Variants in CSMD1 observed in about 807,000 individuals in gnomAD.
CSMD1 encodes the protein CUB and Sushi multiple domains 1, also known as CUB and sushi domain-containing protein 1.
Under a neutral mutation model 417.5 loss-of-function variants are expected in CSMD1, and 213 were observed. The observed-to-expected ratio is 0.51, with a 90% CI of 0.46 to 0.57. The LOEUF (loss-of-function observed/expected upper bound fraction) is 0.57, where lower values mean the gene tolerates loss of function less well. Ranked by LOEUF, CSMD1 falls within the 20% of genes least tolerant of loss-of-function variation. The pLI, the probability that CSMD1 is intolerant of heterozygous loss-of-function variation, is 0.00. For missense variants in CSMD1, 6,923 were observed against 4,529.7 expected (o/e 1.53, Z -15.17); for synonymous variants, 2,862 against 1,736.8 (o/e 1.65, Z -16.11).
At chr8:2,965,733 T>G (rs1461871018) in intron 59 of CSMD1, 42 bp downstream of exon 59, 3 of 1,536,050 alleles carry the variant, frequency 2.0e-6, no homozygotes, top group Admixed American at 1.9e-5. Flanking sequence ...CAATAAAGAC[T>G]TCTATACACA....
intron 1 of CSMD1, among the ~76,000 whole-genome samples, chr8:4,698,165 ATAT>A (rs1807263542): frequency 6.7e-6 from 1 of 148,924 alleles, no homozygotes; most frequent in South Asian, 2.1e-4. Context: ...ATTGAACATA[ATAT>A]TATATGCCAC....
chr8:4,879,795 C>A lies in CSMD1; in HGVS notation c.85+114537G>T, dbSNP rs141793146. On this transcript the variant is annotated intron_variant, in intron 1 of 69. Coordinates refer to ENST00000635120, the MANE Select transcript of CSMD1 (RefSeq NM_033225.6). ...ACAGGGGACAGATGAATGCATTTAA[C>A]CATGTATGCATCTCTCAAAACATCA... Among the ~76,000 whole-genome samples, 245 of 152,118 alleles carry A rather than the reference C, an allele frequency of 1.6e-3. 2 individuals carry two copies. Among genetic ancestry groups the A allele is most frequent in the Middle Eastern group, 6.8e-3 (2 of 294 alleles).
intron 7 of CSMD1, 138 bp downstream of exon 7, chr8:3,708,276 G>C (rs911031525): frequency 4.4e-6 from 3 of 682,226 alleles, no homozygotes; most frequent in Non-Finnish European, 7.6e-6. Flanking sequence ...CTTTCTCCCA[G>C]AAAATACTTT....
chr8:3,324,472 A>T (rs796082295), intron 23 of CSMD1, among the ~76,000 whole-genome samples: 39 of 85,736 alleles, frequency 4.5e-4, no homozygotes, highest in Middle Eastern at 0.011. Flanking sequence ...TCCCCCCACC[A>T]TTCTTCACTG....
At chr8:3,862,719 G>A (rs1336067076) in intron 5 of CSMD1, among the ~76,000 whole-genome samples, 1 of 152,176 alleles carries the variant, frequency 6.6e-6, no homozygotes, top group African/African-American at 2.4e-5. Context: ...CAAAACAACT[G>A]AGTAAGGGAG....
chr8:4,952,037 T>C (rs1238160771), intron 1 of CSMD1, among the ~76,000 whole-genome samples: 1 of 151,308 alleles, frequency 6.6e-6, no homozygotes, highest in African/African-American at 2.4e-5. Flanking sequence ...TACATATATA[T>C]ACACAAAATA....
At position 3,892,153 on chromosome 8, in the gene CSMD1, C is replaced by G. The variant is rs560478648; in HGVS notation, c.818+105750G>C. Reference sequence around the variant, plus strand: ...ATAATATCAGTAAAGTGAAAGGTAACAGCCCCAAATATATGAGGCATTTAG... The same window carrying G: ...ATAATATCAGTAAAGTGAAAGGTAAGAGCCCCAAATATATGAGGCATTTAG... On this transcript the variant is annotated intron_variant, in intron 5 of 69. Coordinates refer to ENST00000635120, the MANE Select transcript of CSMD1 (RefSeq NM_033225.6). Among the ~76,000 whole-genome samples the G allele has an allele frequency of 4.1e-4, 63 of 152,198 alleles. 1 individual carries two copies. Among genetic ancestry groups the G allele is most frequent in the Admixed American group, 2.2e-3 (33 of 15,290 alleles).
At chr8:4,203,907 C>T (rs930292682) in intron 3 of CSMD1, among the ~76,000 whole-genome samples, 1 of 152,016 alleles carries the variant, frequency 6.6e-6, no homozygotes, top group Non-Finnish European at 1.5e-5. Context: ...TTGAGGCCAG[C>T]CTGGGAAATA....
In CSMD1 at chr8:4,023,747, C is replaced by G. The variant is rs188614822; in HGVS notation, c.610+8158G>C. Among the ~76,000 whole-genome samples the G allele has an allele frequency of 7.1e-3, 989 of 139,114 alleles. 9 individuals carry two copies. The highest frequency in any genetic ancestry group is 0.012 in the Non-Finnish European group (774 of 65,648). The allele number at this position is 139,114 out of a possible 152,430, so 91.3% of individuals were successfully genotyped here. ...GACTACAAGCGCCCACCGCTACGCT[C>G]GGCTAATTTTTTTTTTTTTTTTTTT... is the stretch of plus-strand genomic sequence containing the variant. On this transcript the variant is annotated intron_variant, in intron 4 of 69. Transcript: ENST00000635120.
At chr8:4,931,134 T>C (rs1204212727) in intron 1 of CSMD1, among the ~76,000 whole-genome samples, 2 of 152,244 alleles carry the variant, frequency 1.3e-5, no homozygotes, top group Non-Finnish European at 2.9e-5. Context: ...TGATTGGTTT[T>C]ATTACGTTTT....
chr8:4,399,983 A>T (rs535622356), intron 3 of CSMD1, among the ~76,000 whole-genome samples: 4 of 152,276 alleles, frequency 2.6e-5, no homozygotes, highest in South Asian at 2.1e-4. Context: ...CAGGTTGATA[A>T]GCCTTTCTTT....
At chr8:4,537,768 C>G (rs1437953031) in intron 2 of CSMD1, among the ~76,000 whole-genome samples, 1 of 152,190 alleles carries the variant, frequency 6.6e-6, no homozygotes, top group Non-Finnish European at 1.5e-5. Flanking sequence ...GGCCTCGAAT[C>G]ACCAGGCATG....
intron 3 of CSMD1, among the ~76,000 whole-genome samples, chr8:4,106,675 T>A (rs1426088770): frequency 6.6e-6 from 1 of 152,160 alleles, no homozygotes; most frequent in Non-Finnish European, 1.5e-5. Context: ...AGTAAAACAT[T>A]TTCTTTATTT....
intron 1 of CSMD1, among the ~76,000 whole-genome samples, chr8:4,776,107 G>C (rs1317190099): frequency 1.3e-5 from 2 of 152,116 alleles, no homozygotes; most frequent in Non-Finnish European, 2.9e-5. Context: ...CACCGGCCCA[G>C]ATTGCCAGGA....
At chr8:4,253,297 T>G (rs906404459) in intron 3 of CSMD1, among the ~76,000 whole-genome samples, 10 of 152,192 alleles carry the variant, frequency 6.6e-5, no homozygotes, top group Non-Finnish European at 1.5e-5. Context: ...CATTCTCTCT[T>G]CAATATTCAT....
intron 3 of CSMD1, among the ~76,000 whole-genome samples, chr8:4,094,525 G>C (rs960613893): frequency 6.6e-6 from 1 of 152,172 alleles, no homozygotes; most frequent in Non-Finnish European, 1.5e-5. Flanking sequence ...CTAACTTTCA[G>C]ATTAAATAGC....
At chr8:4,272,826 T>A (rs1020647522) in intron 3 of CSMD1, among the ~76,000 whole-genome samples, 24 of 152,210 alleles carry the variant, frequency 1.6e-4, no homozygotes, top group African/African-American at 5.1e-4. Context: ...CCTTTGCTTG[T>A]ATCAGTCTTG....
intron 1 of CSMD1, among the ~76,000 whole-genome samples, chr8:4,886,028 T>C (rs773185983): frequency 2.6e-4 from 39 of 152,130 alleles, no homozygotes; most frequent in Non-Finnish European, 5.4e-4. Flanking sequence ...TCTCCCTCTG[T>C]TGTCCAGGCT....
chr8:4,383,093 T>C (rs79882523), intron 3 of CSMD1, among the ~76,000 whole-genome samples: 12,806 of 152,212 alleles, frequency 0.084, 694 homozygotes, highest in South Asian at 0.2. Flanking sequence ...AGCAATGCTA[T>C]CATCCTCTAT....
Sources: allele counts gnomAD v4.1 joint callset (sites outside exome capture counted in the v4.1 genomes callset), GRCh38; gene constraint gnomAD v4.1.1; transcripts MANE v1.5; gene names NCBI Gene and HGNC (gene_info 2026-07-23, HGNC 2026-07-21).